The following SLC24A2 variants were observed in gnomAD, a reference collection of about 807,000 sequenced individuals.
SLC24A2 encodes the protein sodium/potassium/calcium exchanger 2.
Under a neutral mutation model 62.0 loss-of-function variants are expected in SLC24A2, and 36 were observed. The observed-to-expected ratio is 0.58, with a 90% CI of 0.44 to 0.77. SLC24A2 has a LOEUF of 0.77. Ranked by LOEUF, SLC24A2 falls within the 30% of genes least tolerant of loss-of-function variation. The pLI, the probability that SLC24A2 is intolerant of heterozygous loss-of-function variation, is 0.00. For missense variants in SLC24A2, 846 were observed against 817.9 expected, an observed-to-expected ratio of 1.03 and a Z score of -0.42; for synonymous variants, 358 against 294.0, an observed-to-expected ratio of 1.22 and a Z score of -2.23.
At chr9:20,031,406 T>C in the SLC24A2 span, among the ~76,000 whole-genome samples, 13 of 147,764 alleles carry the variant, frequency 8.8e-5, no homozygotes, top group South Asian at 2.1e-3. Context: ...AGTGTGTGTG[T>C]GCGCATATGT....
At chr9:19,824,735 G>A in the SLC24A2 span, among the ~76,000 whole-genome samples, 4 of 152,216 alleles carry the variant, frequency 2.6e-5, no homozygotes, top group Non-Finnish European at 4.4e-5. Context: ...ATTTATTGTG[G>A]CACTGTTCAC....
At chr9:20,046,816 AT>A in the SLC24A2 span, among the ~76,000 whole-genome samples, 1 of 152,124 alleles carries the variant, frequency 6.6e-6, no homozygotes, top group African/African-American at 2.4e-5. Context: ...TTGCCTTTCA[AT>A]TTTTTAAGCA....
chr9:19,903,207 G>A, the SLC24A2 span, among the ~76,000 whole-genome samples: 6 of 152,118 alleles, frequency 3.9e-5, no homozygotes, highest in Admixed American at 2.0e-4. Flanking sequence ...TCTCCCAGTT[G>A]TAAAGGCTGG....
chr9:20,014,528 A>C, the SLC24A2 span, among the ~76,000 whole-genome samples: 1 of 151,282 alleles, frequency 6.6e-6, no homozygotes, highest in East Asian at 1.9e-4. Flanking sequence ...ACACACACAC[A>C]CAATGGAATA....
the SLC24A2 span, among the ~76,000 whole-genome samples, chr9:20,066,040 A>T: frequency 6.6e-6 from 1 of 152,194 alleles, no homozygotes; most frequent in Non-Finnish European, 1.5e-5. Flanking sequence ...AAACCTTCAG[A>T]GGGTTTGCAG....
the SLC24A2 span, among the ~76,000 whole-genome samples, chr9:20,059,621 C>T: frequency 6.6e-6 from 1 of 151,988 alleles, no homozygotes; most frequent in East Asian, 1.9e-4. Flanking sequence ...ACATAGCATA[C>T]CAAAACTTAG....
At chr9:20,173,437 G>C in the SLC24A2 span, among the ~76,000 whole-genome samples, 1 of 151,952 alleles carries the variant, frequency 6.6e-6, no homozygotes, top group South Asian at 2.1e-4. Context: ...AAACCCTAAA[G>C]ACTCCTCCAA....
chr9:19,549,980 C>G (rs73645420), intron 8 of SLC24A2, among the ~76,000 whole-genome samples, 157 bp downstream of exon 8: 1 of 151,990 alleles, frequency 6.6e-6, no homozygotes, highest in African/African-American at 2.4e-5. Flanking sequence ...AATATTTTTT[C>G]TTGTTACATA....
At chr9:19,692,011 C>T (rs1483298836) in intron 2 of SLC24A2, among the ~76,000 whole-genome samples, 1 of 152,126 alleles carries the variant, frequency 6.6e-6, no homozygotes, top group African/African-American at 2.4e-5. Context: ...AAATGTGGAG[C>T]TTTTAACAAG....
chr9:20,223,524 GAGA>G, the SLC24A2 span, among the ~76,000 whole-genome samples: 3 of 152,126 alleles, frequency 2.0e-5, no homozygotes, highest in South Asian at 2.1e-4. Flanking sequence ...GAAGAAAACT[GAGA>G]AGAAGATCTT....
At chr9:20,265,443 C>G in the SLC24A2 span, among the ~76,000 whole-genome samples, 972 of 152,274 alleles carry the variant, frequency 6.4e-3, 6 homozygotes, top group African/African-American at 0.023. Flanking sequence ...TAATTTCTTA[C>G]GCCTGTCTTT....
intron 2 of SLC24A2, among the ~76,000 whole-genome samples, chr9:19,628,998 T>G (rs1372124500): frequency 6.6e-6 from 1 of 152,196 alleles, no homozygotes; most frequent in Admixed American, 6.5e-5. Context: ...TACAGAATAC[T>G]TTGTAGCAAA....
the SLC24A2 span, among the ~76,000 whole-genome samples, chr9:20,214,988 A>G: frequency 6.6e-6 from 1 of 152,222 alleles, no homozygotes; most frequent in Admixed American, 6.5e-5. Context: ...CCTAATGCAT[A>G]TATCTGTACA....
At position 19,510,686 on chromosome 9, in the gene SLC24A2, T is replaced by C. The variant is rs2132602957; in HGVS notation, c.*5467A>G. The C allele has an allele frequency of 6.6e-6, 1 of 152,322 alleles. No individual in the cohort carries two copies. The highest frequency in any genetic ancestry group is 1.9e-4 in the East Asian group (1 of 5,186). The allele number at this position is 152,322 out of a possible 1,614,324, so 9.4% of individuals were successfully genotyped here. A position where few individuals can be genotyped will look rare whatever the true frequency, so the allele number is the denominator to read the frequency against. Reference sequence around the variant, plus strand: ...TCCATGGCATTCTTTCAGACTTAGATATTTGTCTGTTTTTAAAGATTTTAT... The same window carrying C: ...TCCATGGCATTCTTTCAGACTTAGACATTTGTCTGTTTTTAAAGATTTTAT... On this transcript the variant is annotated 3_prime_UTR_variant, in exon 11 of 11. Coordinates refer to ENST00000341998, the MANE Select transcript of SLC24A2 (RefSeq NM_020344.4).
chr9:19,609,674 G>C (rs1837090268), intron 4 of SLC24A2, among the ~76,000 whole-genome samples: 1 of 152,102 alleles, frequency 6.6e-6, no homozygotes, highest in Non-Finnish European at 1.5e-5. Context: ...GCATTTGTGA[G>C]TGGGGTCTTC....
At chr9:20,051,984 T>C in the SLC24A2 span, among the ~76,000 whole-genome samples, 1 of 152,136 alleles carries the variant, frequency 6.6e-6, no homozygotes, top group Non-Finnish European at 1.5e-5. Context: ...CAGGACACTG[T>C]AAGCATTAAT....
the SLC24A2 span, among the ~76,000 whole-genome samples, chr9:20,028,217 T>G: frequency 6.6e-6 from 1 of 152,174 alleles, no homozygotes; most frequent in African/African-American, 2.4e-5. Context: ...TGGGGTTTGA[T>G]AGACTTTGGG....
At chr9:20,073,317 A>C in the SLC24A2 span, among the ~76,000 whole-genome samples, 178 of 152,242 alleles carry the variant, frequency 1.2e-3, 2 homozygotes, top group East Asian at 0.017. Context: ...CCTCTAGATG[A>C]TCTGTTTAAA....
At chr9:20,067,499 C>T in the SLC24A2 span, among the ~76,000 whole-genome samples, 1 of 151,914 alleles carries the variant, frequency 6.6e-6, no homozygotes, top group Non-Finnish European at 1.5e-5. Flanking sequence ...GTAAGGAGCA[C>T]AGTACCCAAT....
Sources: allele counts gnomAD v4.1 joint callset (sites outside exome capture counted in the v4.1 genomes callset), GRCh38; gene constraint gnomAD v4.1.1; transcripts MANE v1.5; gene names NCBI Gene and HGNC (gene_info 2026-07-23, HGNC 2026-07-21).